The following HLTF variants were observed in gnomAD, a reference collection of about 807,000 sequenced individuals.
The protein encoded by HLTF is helicase like transcription factor, also known as DNA-dependent ATPase/E3 ubiquitin-protein ligase HLTF.
Under a neutral mutation model 129.4 loss-of-function variants are expected in HLTF, and 127 were observed. The ratio of observed to expected loss-of-function variants is 0.98; its 90% confidence interval spans 0.85 to 1.14. The LOEUF (loss-of-function observed/expected upper bound fraction) is 1.14, where lower values mean the gene tolerates loss of function less well. Ranked by LOEUF, HLTF falls within the 50% of genes most tolerant of loss-of-function variation. HLTF has a pLI of 0.00. For missense variants in HLTF, 1,139 were observed against 1,187.1 expected (o/e 0.96, Z 0.60); for synonymous variants, 332 against 388.8 (o/e 0.85, Z 1.72).
intron 2 of HLTF, among the ~76,000 whole-genome samples, chr3:149,076,621 T>C (rs550780251): frequency 9.8e-5 from 15 of 152,292 alleles, no homozygotes; most frequent in African/African-American, 2.9e-4. Context: ...TAAGTCAGGA[T>C]GGAACTAGGT....
chr3:149,048,733 T>C, intron 16 of HLTF, 130 bp downstream of exon 16: 2 of 655,540 alleles, frequency 3.1e-6, no homozygotes, highest in Non-Finnish European at 5.2e-6. Context: ...AACATTTGAT[T>C]AAATTATTTA....
Position 149,055,327 on chromosome 3 carries a change from C to T in HLTF, c.1449G>A (p.Pro483=), listed in dbSNP as rs373985413. The T allele has an allele frequency of 7.4e-6, 12 of 1,613,050 alleles. No individual in the cohort carries two copies. The highest frequency in any genetic ancestry group is 4.0e-5 in the African/African-American group (3 of 74,902). ...CAATCCAGTTGCTTAACACAGAAAG[C>T]GGACAGATGATCAGTGTTGTTCTTG... ...ERPRTTLIIC[P]LSVLSNWIDQ... The change falls in exon 14 of 25, where the codon CCG becomes CCA. Residue 483 remains proline (P), a synonymous_variant. Coordinates refer to ENST00000310053, the MANE Select transcript of HLTF (RefSeq NM_003071.4).
chr3:149,071,416 G>C lies in HLTF; in HGVS notation c.730C>G (p.Gln244Glu), dbSNP rs1320636104. 1 of 1,613,044 alleles carries C rather than the reference G, an allele frequency of 6.2e-7. No homozygotes were observed. The highest frequency in any genetic ancestry group is 2.2e-5 in the East Asian group (1 of 44,852). ...ACCATCCAAGCTAGAGCTTGTTTTTGATGTGGAAGCAGTGGTGTTTCAATA... is the reference window on the plus strand; with the variant it reads ...ACCATCCAAGCTAGAGCTTGTTTTTCATGTGGAAGCAGTGGTGTTTCAATA... Reference protein sequence around the residue: ...EAIETPLLPHQKQALAWMVSR... With the variant: ...EAIETPLLPHEKQALAWMVSR... Residue 244 changes from glutamine to glutamate, a missense_variant, in exon 7 of 25, where the codon CAA becomes GAA. Physicochemically the swap from Gln to Glu is conservative, Grantham distance 29. Transcript: ENST00000310053.
intron 12 of HLTF, 76 bp from the exon 13 acceptor site, chr3:149,059,883 A>G (rs1351000562): frequency 1.2e-6 from 1 of 860,310 alleles, no homozygotes; most frequent in Non-Finnish European, 1.9e-6. Context: ...TTCTAAGGGT[A>G]AGAAATAGAA....
chr3:149,073,702 T>G (rs1045441529), intron 4 of HLTF, among the ~76,000 whole-genome samples: 8 of 152,136 alleles, frequency 5.3e-5, no homozygotes, highest in African/African-American at 1.9e-4. Context: ...TCTCAAAATA[T>G]ATACACAAAT....
At chr3:149,081,685 G>A (rs1719889868) in intron 2 of HLTF, among the ~76,000 whole-genome samples, 1 of 151,984 alleles carries the variant, frequency 6.6e-6, no homozygotes, top group Admixed American at 6.6e-5. Context: ...TTATGTTCTG[G>A]CAGACATTAA....
intron 14 of HLTF, among the ~76,000 whole-genome samples, chr3:149,052,966 T>G (rs1182664588): frequency 1.3e-5 from 2 of 152,166 alleles, no homozygotes. Context: ...ATCCTCTCAA[T>G]AGAAAACGAA....
Position 149,031,063 on chromosome 3 carries a change from A to T in HLTF, c.*1157T>A, listed in dbSNP as rs1714989823. 1 of 152,124 alleles carries T rather than the reference A, an allele frequency of 6.6e-6. No homozygotes were observed. Among genetic ancestry groups the T allele is most frequent in the African/African-American group, 2.4e-5 (1 of 41,416 alleles). 9.4% of individuals were successfully genotyped at this position (152,124 alleles called of 1,614,324 possible). On this transcript the variant is annotated 3_prime_UTR_variant, in exon 25 of 25. Transcript: ENST00000310053. ...CCCTTTGAAATAAAACCACCTACCT[A>T]ATCTGACTGCTAAATTTCTAGCTTC...
At chr3:149,068,454 T>C in intron 7 of HLTF, 119 bp from the exon 8 acceptor site, 1 of 519,256 alleles carries the variant, frequency 1.9e-6, no homozygotes, top group South Asian at 3.0e-5. Context: ...CACAAAAGTG[T>C]ACTGTATATT....
chr3:149,038,208 C>G (rs899061562), intron 23 of HLTF, among the ~76,000 whole-genome samples: 1 of 152,172 alleles, frequency 6.6e-6, no homozygotes, highest in Non-Finnish European at 1.5e-5. Context: ...CTTAAGACTA[C>G]TAGAACCGTG....
At chr3:149,053,543 C>G (rs1717171018) in intron 14 of HLTF, among the ~76,000 whole-genome samples, 1 of 152,170 alleles carries the variant, frequency 6.6e-6, no homozygotes, top group Non-Finnish European at 1.5e-5. Flanking sequence ...CCTGTAAAGC[C>G]TGCAGTATCA....
chr3:149,082,077 G>A (rs1425844261), intron 2 of HLTF, among the ~76,000 whole-genome samples: 5 of 152,330 alleles, frequency 3.3e-5, no homozygotes, highest in Non-Finnish European at 7.3e-5. Flanking sequence ...ATTATGCTGA[G>A]TGAAAAACGC....
chr3:149,085,994 C>T (rs1262718492), intron 1 of HLTF, among the ~76,000 whole-genome samples: 1 of 152,112 alleles, frequency 6.6e-6, no homozygotes, highest in East Asian at 1.9e-4. Flanking sequence ...GGCCCTCCAC[C>T]GAGCACAATG....
At chr3:149,061,413 A>AAAAATAAAATAAAAT (rs139954914) in intron 10 of HLTF, among the ~76,000 whole-genome samples, 61 of 150,434 alleles carry the variant, frequency 4.1e-4, no homozygotes, top group African/African-American at 1.4e-3. Context: ...TCCATCTCAA[A>AAAAATAAAATAAAAT]AAAATAAAAT....
Position 149,041,594 on chromosome 3 carries a change from C to T in HLTF, c.2272G>A (p.Glu758Lys). The stretch of plus-strand genomic sequence containing the variant: ...GAATCCAGGCAAATTGCACATTCCT[C>T]ATCTGAACCTGAGCTCAGAATTAAC... ...MKLILSSGSD[E>K]ECAICLDSLT... Residue 758 changes from glutamate to lysine, a missense_variant, in exon 20 of 25, where the codon GAG becomes AAG. By Grantham distance (56) the Glu-to-Lys change is moderately conservative. Transcript: ENST00000310053. 1 of 1,611,598 alleles carries T rather than the reference C, an allele frequency of 6.2e-7. No homozygotes were observed. The highest frequency in any genetic ancestry group is 8.5e-7 in the Non-Finnish European group (1 of 1,177,840).
At chr3:149,035,044 C>T (rs1715452066) in intron 23 of HLTF, 46 bp from the exon 24 acceptor site, 7 of 1,330,334 alleles carry the variant, frequency 5.3e-6, no homozygotes, top group Non-Finnish European at 7.6e-6. Context: ...CCTGATCTTT[C>T]AGTGTTTTGC....
In HLTF at chr3:149,059,728, C is replaced by G; in HGVS notation, c.1365G>C (p.Met455Ile). ...TSSVPTTKKK[M>I]LKKGACAVEG... Reference sequence around the variant, plus strand: ...AGGATATTTACTGACCCTTTTTCAACATTTTCTTTTTTGTTGTAGGAACAG... The same window carrying G: ...AGGATATTTACTGACCCTTTTTCAAGATTTTCTTTTTTGTTGTAGGAACAG... Residue 455 changes from methionine (M) to isoleucine (I), a missense_variant, in exon 13 of 25, where the codon ATG (methionine) becomes ATC (isoleucine). By Grantham distance (10) the Met-to-Ile change is conservative (BLOSUM62 1). Coordinates refer to ENST00000310053, the MANE Select transcript of HLTF (RefSeq NM_003071.4). 1 of 1,586,776 alleles carries G rather than the reference C, an allele frequency of 6.3e-7. No individual in the cohort carries two copies. The highest frequency in any genetic ancestry group is 8.6e-7 in the Non-Finnish European group (1 of 1,165,776).
rs1716525238 is a variant in HLTF, at chr3:149,046,102, C to T, written c.2050G>A (p.Glu684Lys). Reference sequence around the variant, plus strand: ...TACCTTCCAATAGTGGCTCTGCCTTCATTTTTCACAGACTGATAAATCTTT... The same window carrying T: ...TACCTTCCAATAGTGGCTCTGCCTTTATTTTTCACAGACTGATAAATCTTT... The part of the protein sequence containing the change: ...ERKIYQSVKN[E>K]GRATIGRYFN... Residue 684 changes from glutamate to lysine, a missense_variant, in exon 18 of 25, where the codon GAA becomes AAA. Transcript: ENST00000310053. The T allele has an allele frequency of 6.2e-7, 1 of 1,608,822 alleles. No individual in the cohort carries two copies. The highest frequency in any genetic ancestry group is 1.3e-5 in the African/African-American group (1 of 74,784).
Position 149,042,292 on chromosome 3 carries a change from T to A in HLTF, c.2073-2A>T. The A allele has an allele frequency of 1.2e-6, 2 of 1,604,552 alleles. No homozygotes were observed. The highest frequency in any genetic ancestry group is 1.7e-6 in the Non-Finnish European group (2 of 1,173,828). ...AGGACAGTCCCTTCATTAAAATACC[T>A]AGAGATTAAAATGTCAAATATTATT... On this transcript the variant is annotated splice_acceptor_variant, in intron 18 of 24. Transcript: ENST00000310053. LOFTEE classifies it high-confidence loss of function.
Sources: gnomAD v4.1 joint callset for allele counts (sites outside exome capture counted in the v4.1 genomes callset) on GRCh38, gnomAD v4.1.1 for gene constraint, MANE v1.5 for transcripts, NCBI Gene and HGNC (gene_info 2026-07-23, HGNC 2026-07-21) for gene names.